Variants in C6orf89 observed in about 807,000 individuals in gnomAD.
The protein encoded by C6orf89 is bombesin receptor-activated protein C6orf89.
C6orf89 carries 29 observed loss-of-function variants against 40.7 expected under a neutral mutation model. That is an observed-to-expected ratio of 0.71 (90% CI 0.53 to 0.97). The LOEUF is 0.97. Ranked by LOEUF, C6orf89 falls within the 50% of genes least tolerant of loss-of-function variation. The pLI is 0.00. For synonymous variants in C6orf89, 165 were observed against 152.2 expected (o/e 1.08, Z -0.62); for missense variants, 392 against 429.1 (o/e 0.91, Z 0.76).
chr6:36,901,710 G>A (rs182037275), intron 3 of C6orf89, among the ~76,000 whole-genome samples: 5 of 149,302 alleles, frequency 3.3e-5, no homozygotes, highest in Non-Finnish European at 7.4e-5. Context: ...TCGCTCTGTC[G>A]CCCAGGCTGG....
intron 4 of C6orf89, among the ~76,000 whole-genome samples, chr6:36,906,128 G>A (rs1055573776): frequency 6.6e-6 from 1 of 152,204 alleles, no homozygotes; most frequent in African/African-American, 2.4e-5. Context: ...GATGCATCCC[G>A]TAACCTTCAA....
At chr6:36,901,312 A>ATTTTTTTTT (rs1554136270) in intron 3 of C6orf89, among the ~76,000 whole-genome samples, 7 of 64,652 alleles carry the variant, frequency 1.1e-4, no homozygotes, top group South Asian at 4.1e-4. Context: ...TATTATTATT[A>ATTTTTTTTT]TTATTATTAT....
intron 1 of C6orf89, among the ~76,000 whole-genome samples, chr6:36,886,853 C>A (rs183231041): frequency 1.3e-5 from 2 of 152,320 alleles, no homozygotes; most frequent in African/African-American, 2.4e-5. Context: ...TAGGGAATAA[C>A]ATGCCTTTAA....
chr6:36,903,490 C>A (rs151218191), intron 4 of C6orf89, among the ~76,000 whole-genome samples: 43 of 151,790 alleles, frequency 2.8e-4, no homozygotes, highest in African/African-American at 1.0e-3. Flanking sequence ...GTTGGAGTCT[C>A]GCTCTGTCGC....
intron 8 of C6orf89, among the ~76,000 whole-genome samples, chr6:36,921,312 G>A (rs1762502524): frequency 6.6e-6 from 1 of 152,112 alleles, no homozygotes; most frequent in African/African-American, 2.4e-5. Context: ...TAACAATGAG[G>A]ACAGGAAAGC....
chr6:36,909,286 G>A (rs1762038277), intron 4 of C6orf89, among the ~76,000 whole-genome samples: 1 of 151,238 alleles, frequency 6.6e-6, no homozygotes, highest in South Asian at 2.1e-4. Context: ...CTTGGAAATG[G>A]ACTCGCTGAG....
In C6orf89 at chr6:36,925,375, C is replaced by T. The variant is rs1016300365; in HGVS notation, c.*1934C>T. Reference sequence around the variant, plus strand: ...GATTACTGAGATCTCTGTTTTGTTTCTGTGAGTTACTCTGTATTCCTTTCC... The same window carrying T: ...GATTACTGAGATCTCTGTTTTGTTTTTGTGAGTTACTCTGTATTCCTTTCC... On this transcript the variant is annotated 3_prime_UTR_variant, in exon 9 of 9. Transcript: ENST00000480824. 1 of 152,162 alleles carries T rather than the reference C, an allele frequency of 6.6e-6. No homozygotes were observed. The highest frequency in any genetic ancestry group is 1.5e-5 in the Non-Finnish European group (1 of 68,024). The allele number at this position is 152,162 out of a possible 1,614,324, so 9.4% of individuals were successfully genotyped here.
At chr6:36,915,687 C>CA (rs1332661035) in intron 6 of C6orf89, among the ~76,000 whole-genome samples, 2 of 144,446 alleles carry the variant, frequency 1.4e-5, no homozygotes, top group Non-Finnish European at 3.0e-5. Context: ...GCCTGGGCGA[C>CA]AAAGTGAGAC....
intron 1 of C6orf89, among the ~76,000 whole-genome samples, chr6:36,877,438 C>G (rs1040600655): frequency 1.3e-5 from 2 of 152,188 alleles, no homozygotes; most frequent in African/African-American, 4.8e-5. Context: ...TCAAGCGATT[C>G]TCCTGCCTCA....
chr6:36,902,695 C>T (rs139918429), intron 4 of C6orf89, among the ~76,000 whole-genome samples: 1 of 152,324 alleles, frequency 6.6e-6, no homozygotes, highest in African/African-American at 2.4e-5. Flanking sequence ...CCAGAACACA[C>T]ATGATGGGGA....
In C6orf89 at chr6:36,923,886, A is replaced by C; in HGVS notation, c.*445A>C. On this transcript the variant is annotated 3_prime_UTR_variant, in exon 9 of 9. Coordinates refer to ENST00000480824, the MANE Select transcript of C6orf89 (RefSeq NM_001286635.2). ...TTGTCCCTGTCTTGCCTGCCACATCACTCTACTTTTTGGAAGGCCATGGCT... is the reference window on the plus strand; with the variant it reads ...TTGTCCCTGTCTTGCCTGCCACATCCCTCTACTTTTTGGAAGGCCATGGCT... 1 of 252,422 alleles carries C rather than the reference A, an allele frequency of 4.0e-6. No individual in the cohort carries two copies. The highest frequency in any genetic ancestry group is 7.9e-6 in the Non-Finnish European group (1 of 126,660). 15.6% of individuals were successfully genotyped at this position (252,422 alleles called of 1,614,324 possible). A position where few individuals can be genotyped will look rare whatever the true frequency, so the allele number is the denominator to read the frequency against.
exon 1 of C6orf89, chr6:36,871,871 T>C (rs1321974891): frequency 1.9e-6 from 3 of 1,580,902 alleles, no homozygotes; most frequent in Non-Finnish European, 2.6e-6. Context: ...ATGATTCCCA[T>C]GCTGCAGAGG....
chr6:36,901,326 T>A (rs1187217308), intron 3 of C6orf89, among the ~76,000 whole-genome samples: 679 of 40,908 alleles, frequency 0.017, 13 homozygotes, highest in African/African-American at 0.067. Context: ...TTATTATTTT[T>A]TTTTTTTTTT....
intron 1 of C6orf89, among the ~76,000 whole-genome samples, chr6:36,886,726 C>G (rs770750019): frequency 1.3e-5 from 2 of 152,188 alleles, no homozygotes; most frequent in Non-Finnish European, 2.9e-5. Context: ...CTTCCAGATA[C>G]TTAGTATTCT....
chr6:36,889,729 A>G (rs984389147), intron 1 of C6orf89, among the ~76,000 whole-genome samples: 2 of 152,236 alleles, frequency 1.3e-5, no homozygotes, highest in African/African-American at 2.4e-5. Context: ...AAAATTTGAT[A>G]GTTAAGGAAA....
chr6:36,891,372 T>C, intron 1 of C6orf89, among the ~76,000 whole-genome samples: 1 of 152,234 alleles, frequency 6.6e-6, no homozygotes, highest in Admixed American at 6.5e-5. Context: ...ATGTGCCACA[T>C]TTTCTTAATC....
chr6:36,909,497 T>G (rs963412822), intron 4 of C6orf89, among the ~76,000 whole-genome samples: 2 of 152,328 alleles, frequency 1.3e-5, no homozygotes, highest in African/African-American at 4.8e-5. Flanking sequence ...GCATGTCTTT[T>G]CAAATGGTTT....
chr6:36,879,798 T>C (rs1014831812), intron 2 of C6orf89, among the ~76,000 whole-genome samples: 15 of 152,168 alleles, frequency 9.9e-5, no homozygotes, highest in African/African-American at 3.6e-4. Flanking sequence ...GAACTTGACC[T>C]CGTAACCACG....
chr6:36,915,639 G>A (rs1437995818), intron 6 of C6orf89, among the ~76,000 whole-genome samples: 2 of 151,698 alleles, frequency 1.3e-5, no homozygotes, highest in Non-Finnish European at 2.9e-5. Flanking sequence ...CTGGGAGGTT[G>A]AAGCTGCAGT....
Sources: gnomAD v4.1 joint callset for allele counts (sites outside exome capture counted in the v4.1 genomes callset) on GRCh38, gnomAD v4.1.1 for gene constraint, MANE v1.5 for transcripts, NCBI Gene and HGNC (gene_info 2026-07-23, HGNC 2026-07-21) for gene names.